NRG3: variants seen among roughly 807,000 people sequenced by gnomAD.
The protein encoded by NRG3 is neuregulin 3.
In NRG3, 31 loss-of-function variants were observed where a neutral mutation model predicts 66.9. The observed-to-expected ratio is 0.46, with a 90% CI of 0.35 to 0.63. The LOEUF (loss-of-function observed/expected upper bound fraction) is 0.63. Ranked by LOEUF, NRG3 falls within the 20% of genes least tolerant of loss-of-function variation. The probability of loss-of-function intolerance (pLI) is 0.00; values close to 1 mark genes in which losing one functional copy is unlikely to be tolerated. For synonymous variants in NRG3, 393 were observed against 359.4 expected (o/e 1.09, Z -1.06); for missense variants, 910 against 878.9 (o/e 1.04, Z -0.45).
intron 1 of NRG3, among the ~76,000 whole-genome samples, chr10:82,343,843 A>T (rs1489430709): frequency 6.6e-6 from 1 of 152,142 alleles, no homozygotes; most frequent in Non-Finnish European, 1.5e-5. Context: ...TCCAGAAACA[A>T]GAGTTAACAT....
chr10:82,215,924 A>G (rs2075641852), intron 1 of NRG3, among the ~76,000 whole-genome samples: 1 of 150,362 alleles, frequency 6.7e-6, no homozygotes, highest in Non-Finnish European at 1.5e-5. Context: ...GTGATTTGTC[A>G]GGAAAAATTC....
At chr10:82,151,964 AATAG>A (rs2070780871) in intron 1 of NRG3, among the ~76,000 whole-genome samples, 1 of 152,252 alleles carries the variant, frequency 6.6e-6, no homozygotes, top group African/African-American at 2.4e-5. Context: ...AAGAGGATTA[AATAG>A]ATAGAATATA....
chr10:82,761,969 TTTCTTTTC>T (rs1389208552), intron 3 of NRG3, among the ~76,000 whole-genome samples: 12 of 147,876 alleles, frequency 8.1e-5, no homozygotes, highest in Admixed American at 2.1e-4. Flanking sequence ...TCTTTCTTTC[TTTCTTTTC>T]TTTCTTTCTT....
At chr10:82,949,884 CA>C (rs1419835893) in intron 4 of NRG3, among the ~76,000 whole-genome samples, 1 of 151,434 alleles carries the variant, frequency 6.6e-6, no homozygotes, top group Non-Finnish European at 1.5e-5. Context: ...AAAAAAAAAC[CA>C]AAAAGATCCT....
chr10:82,191,787 T>C (rs2074157275), intron 1 of NRG3, among the ~76,000 whole-genome samples: 1 of 152,172 alleles, frequency 6.6e-6, no homozygotes, highest in Non-Finnish European at 1.5e-5. Context: ...TTCTTGTCCC[T>C]TGTTGTGGCC....
intron 2 of NRG3, among the ~76,000 whole-genome samples, chr10:82,647,848 GTTGT>G (rs1168930177): frequency 6.7e-6 from 1 of 150,016 alleles, no homozygotes; most frequent in African/African-American, 2.5e-5. Flanking sequence ...TTTTGATGGG[GTTGT>G]TTGTTTTTTT....
At chr10:82,386,838 C>T (rs191080305) in intron 2 of NRG3, among the ~76,000 whole-genome samples, 69 of 152,184 alleles carry the variant, frequency 4.5e-4, no homozygotes, top group African/African-American at 1.5e-3. Context: ...CCTGCTCTGT[C>T]GCCCAGGCTG....
intron 2 of NRG3, among the ~76,000 whole-genome samples, chr10:82,549,343 G>A (rs572476218): frequency 6.6e-6 from 1 of 152,092 alleles, no homozygotes; most frequent in African/African-American, 2.4e-5. Context: ...TTAAATTCTT[G>A]TTGCCCATAC....
In NRG3 at chr10:82,751,510, C is replaced by T. The variant is rs115589451; in HGVS notation, c.1027+12860C>T. Among the ~76,000 whole-genome samples, 660 of 152,160 alleles carry T rather than the reference C, an allele frequency of 4.3e-3. 9 individuals carry two copies. The highest frequency in any genetic ancestry group is 0.014 in the African/African-American group (592 of 41,542). On this transcript the variant is annotated intron_variant, in intron 3 of 8. Transcript: ENST00000372141. ...GTGTTCCTTAATTAAGAGTGAGCAA[C>T]AGGGAATTTGTAAATCAAAAACACA...
intron 1 of NRG3, among the ~76,000 whole-genome samples, chr10:82,113,046 A>G (rs1368885607): frequency 6.6e-6 from 1 of 152,144 alleles, no homozygotes; most frequent in Non-Finnish European, 1.5e-5. Context: ...TGATTTGCTT[A>G]TATTTACCAA....
intron 1 of NRG3, among the ~76,000 whole-genome samples, chr10:81,935,919 A>ACACACACACACACACACAC (rs1192033295): frequency 4.8e-5 from 7 of 146,648 alleles, no homozygotes; most frequent in African/African-American, 1.8e-4. Flanking sequence ...ACACACACAC[A>ACACACACACACACACACAC]CACACAGTTT....
intron 2 of NRG3, among the ~76,000 whole-genome samples, chr10:82,710,274 A>G (rs1347787805): frequency 6.6e-6 from 1 of 152,198 alleles, no homozygotes. Context: ...ACTATTCCTC[A>G]GTATTTCTCA....
intron 1 of NRG3, among the ~76,000 whole-genome samples, chr10:82,030,262 A>G (rs2062502768): frequency 6.6e-6 from 1 of 152,120 alleles, no homozygotes. Flanking sequence ...GTTGAGCTCC[A>G]CCAGATCTTT....
chr10:82,279,660 G>A lies in NRG3; in HGVS notation c.824-79079G>A, dbSNP rs369136435. Among the ~76,000 whole-genome samples the A allele has an allele frequency of 1.1e-3, 162 of 152,300 alleles. 1 individual carries two copies. Among genetic ancestry groups the A allele is most frequent in the Non-Finnish European group, 2.0e-3 (134 of 68,030 alleles). On this transcript the variant is annotated intron_variant, in intron 1 of 8. Transcript: ENST00000372141. Reference sequence around the variant, plus strand: ...ACATTTTTCTGACAACGAACACGGAGTGAAAGATTATTAAAACTGATTTCT... The same window carrying A: ...ACATTTTTCTGACAACGAACACGGAATGAAAGATTATTAAAACTGATTTCT...
At chr10:81,989,099 G>A (rs558961139) in intron 1 of NRG3, among the ~76,000 whole-genome samples, 27 of 152,222 alleles carry the variant, frequency 1.8e-4, no homozygotes, top group African/African-American at 6.5e-4. Flanking sequence ...TATATTAGAT[G>A]GGGTGAGGGA....
At chr10:82,802,130 C>A (rs2061067667) in intron 3 of NRG3, among the ~76,000 whole-genome samples, 1 of 152,082 alleles carries the variant, frequency 6.6e-6, no homozygotes, top group Admixed American at 6.6e-5. Context: ...GTTTTTTAAC[C>A]AAATTCCTTT....
At chr10:81,969,917 A>G (rs1160129961) in intron 1 of NRG3, among the ~76,000 whole-genome samples, 1 of 151,980 alleles carries the variant, frequency 6.6e-6, no homozygotes, top group Non-Finnish European at 1.5e-5. Context: ...TTGTCACAAG[A>G]TATTGCACTA....
chr10:82,869,557 G>T (rs772600310), intron 4 of NRG3, among the ~76,000 whole-genome samples: 26 of 119,078 alleles, frequency 2.2e-4, no homozygotes, highest in Non-Finnish European at 3.2e-4. Context: ...CCCAACCACT[G>T]GTCTTTTTTA....
intron 1 of NRG3, among the ~76,000 whole-genome samples, chr10:82,001,511 A>G (rs928491282): frequency 2.0e-5 from 3 of 152,140 alleles, no homozygotes; most frequent in Admixed American, 6.5e-5. Flanking sequence ...TGAGGAAAAA[A>G]AAGAAAAAGA....
Sources: gnomAD v4.1 joint callset for allele counts (sites outside exome capture counted in the v4.1 genomes callset) on GRCh38, gnomAD v4.1.1 for gene constraint, MANE v1.5 for transcripts, NCBI Gene and HGNC (gene_info 2026-07-23, HGNC 2026-07-21) for gene names.